Variants in RNF144A observed in about 807,000 individuals in gnomAD.
RNF144A encodes the protein ring finger protein 144A, also known as E3 ubiquitin-protein ligase RNF144A.
Under a neutral mutation model 38.7 loss-of-function variants are expected in RNF144A, and 11 were observed. The ratio of observed to expected loss-of-function variants is 0.28; its 90% CI spans 0.18 to 0.47. The LOEUF (loss-of-function observed/expected upper bound fraction) is 0.47, where lower values mean the gene tolerates loss of function less well. RNF144A is among the 20% of genes least tolerant of loss of function. RNF144A has a pLI of 0.99. For synonymous variants in RNF144A, 149 were observed against 143.9 expected (o/e 1.04, Z -0.25); for missense variants, 316 against 377.2 (o/e 0.84, Z 1.34).
chr2:6,953,100 T>C (rs1004443921), intron 2 of RNF144A, among the ~76,000 whole-genome samples: 1 of 152,210 alleles, frequency 6.6e-6, no homozygotes, highest in Non-Finnish European at 1.5e-5. Context: ...TTTTTAGCCC[T>C]CTTTTTAAAA....
intron 5 of RNF144A, among the ~76,000 whole-genome samples, chr2:7,019,208 T>A (rs1671347552): frequency 6.6e-6 from 1 of 152,228 alleles, no homozygotes. Flanking sequence ...TGAATCTGGC[T>A]TCCCCATGTA....
At position 6,958,869 on chromosome 2, in the gene RNF144A, A is replaced by T. The variant is rs1667165158; in HGVS notation, c.-12+17722A>T. ...GGGCCCTGCTGAAAGGAGCTTGGACACTATTCCAAAGCTTCTCTTTTACCC... is the reference window on the plus strand; with the variant it reads ...GGGCCCTGCTGAAAGGAGCTTGGACTCTATTCCAAAGCTTCTCTTTTACCC... On this transcript the variant is annotated intron_variant, in intron 2 of 8. Coordinates refer to ENST00000320892, the MANE Select transcript of RNF144A (RefSeq NM_014746.6). This position sits in a 1 kb window ranked among gnomAD's most constrained non-coding sequence, Gnocchi z 4.5. Among the ~76,000 whole-genome samples the T allele has an allele frequency of 6.6e-6, 1 of 152,100 alleles. No homozygotes were observed. The highest frequency in any genetic ancestry group is 6.6e-5 in the Admixed American group (1 of 15,256).
At chr2:7,039,495 G>T in intron 8 of RNF144A, 134 bp from the exon 9 acceptor site, 1 of 1,462,524 alleles carries the variant, frequency 6.8e-7, no homozygotes, top group South Asian at 1.3e-5. Flanking sequence ...TGGGTAGATG[G>T]ATGGATGGAT....
chr2:6,988,507 C>T (rs551577444), intron 2 of RNF144A, among the ~76,000 whole-genome samples: 1 of 152,152 alleles, frequency 6.6e-6, no homozygotes, highest in African/African-American at 2.4e-5. Context: ...TTATTTGATG[C>T]TCTTCTCTTA....
rs370126165 is a variant in RNF144A, at chr2:6,996,900, G to C, written c.-11-16G>C. The C allele has an allele frequency of 1.6e-5, 25 of 1,608,910 alleles. No individual in the cohort carries two copies. Among genetic ancestry groups the C allele is most frequent in the Non-Finnish European group, 2.0e-5 (24 of 1,176,818 alleles). Reference sequence around the variant, plus strand: ...GGGGTGGGGAGGTCTGACCTTCCGTGCTTCTCTCGTTTCAGACTGTTCTGC... The same window carrying C: ...GGGGTGGGGAGGTCTGACCTTCCGTCCTTCTCTCGTTTCAGACTGTTCTGC... On this transcript the variant is annotated splice_polypyrimidine_tract_variant and intron_variant, in intron 2 of 8. Coordinates refer to ENST00000320892, the MANE Select transcript of RNF144A (RefSeq NM_014746.6).
chr2:6,964,192 T>A (rs1427982400), intron 2 of RNF144A, among the ~76,000 whole-genome samples: 1 of 152,162 alleles, frequency 6.6e-6, no homozygotes, highest in Non-Finnish European at 1.5e-5. Flanking sequence ...TTGAAGACAT[T>A]TATGCAGCCA....
chr2:6,949,201 A>T (rs2103310512), intron 2 of RNF144A, among the ~76,000 whole-genome samples: 1 of 152,366 alleles, frequency 6.6e-6, no homozygotes, highest in South Asian at 2.1e-4. Flanking sequence ...TTGAAGAATC[A>T]GAATGAAGAG....
intron 1 of RNF144A, among the ~76,000 whole-genome samples, chr2:6,922,558 G>C (rs954322817): frequency 2.5e-4 from 38 of 152,062 alleles, no homozygotes; most frequent in East Asian, 1.9e-4. Context: ...GAGGAGTGCA[G>C]AATGCAGCAA....
intron 1 of RNF144A, among the ~76,000 whole-genome samples, chr2:6,925,690 G>A (rs757142215): frequency 2.6e-5 from 4 of 152,154 alleles, no homozygotes; most frequent in African/African-American, 7.2e-5. Flanking sequence ...CTGTCTCTGC[G>A]CTGGGGGTGC....
At chr2:7,044,852 G>A, downstream of RNF144A, among the ~76,000 whole-genome samples, 1 of 152,190 alleles carries the variant, frequency 6.6e-6, no homozygotes, top group East Asian at 1.9e-4. Context: ...TTAAGGGAGT[G>A]GATTTTGTTA....
At chr2:7,056,022 A>G (rs190971166) in intron 6 of RNF144A, among the ~76,000 whole-genome samples, 1 of 152,246 alleles carries the variant, frequency 6.6e-6, no homozygotes, top group East Asian at 1.9e-4. Flanking sequence ...AGACTAGGTA[A>G]AGGCTTTATT....
At chr2:6,955,919 C>G (rs1666970465) in intron 2 of RNF144A, among the ~76,000 whole-genome samples, 1 of 152,146 alleles carries the variant, frequency 6.6e-6, no homozygotes, top group African/African-American at 2.4e-5. Context: ...CTTCCCTGTC[C>G]ACCTCTCCAA....
At chr2:6,996,559 C>A (rs1314480178) in intron 2 of RNF144A, among the ~76,000 whole-genome samples, 1 of 152,138 alleles carries the variant, frequency 6.6e-6, no homozygotes, top group Non-Finnish European at 1.5e-5. Context: ...TCGAGACCAT[C>A]CTGGCTAACA....
downstream of RNF144A, among the ~76,000 whole-genome samples, chr2:7,048,347 A>G (rs578002300): frequency 2.6e-5 from 4 of 152,378 alleles, no homozygotes; most frequent in Admixed American, 6.5e-5. Flanking sequence ...TGTTGTTCAC[A>G]GGAGAAACTA....
At chr2:6,920,507 G>A (rs539142618) in intron 1 of RNF144A, among the ~76,000 whole-genome samples, 6 of 152,314 alleles carry the variant, frequency 3.9e-5, no homozygotes, top group Non-Finnish European at 7.3e-5. Context: ...ACGTTGGGTG[G>A]TCTGGAACCA....
chr2:6,948,378 T>C (rs948876291), intron 2 of RNF144A, among the ~76,000 whole-genome samples: 9 of 152,256 alleles, frequency 5.9e-5, no homozygotes, highest in African/African-American at 2.2e-4. Context: ...AAATACCTCA[T>C]GGTTGCTGCT....
At chr2:7,056,871 T>C (rs1244104203) in intron 6 of RNF144A, among the ~76,000 whole-genome samples, 1 of 152,196 alleles carries the variant, frequency 6.6e-6, no homozygotes, top group Non-Finnish European at 1.5e-5. Flanking sequence ...GAGGACAATA[T>C]TAAATATGTG....
Position 7,039,964 on chromosome 2 carries a change from G to A in RNF144A, c.*204G>A. On this transcript the variant is annotated 3_prime_UTR_variant, in exon 9 of 9. Coordinates refer to ENST00000320892, the MANE Select transcript of RNF144A (RefSeq NM_014746.6). ...CAGGTGTGGTGGGGAGGGGAGGCAG[G>A]TGTGGGTAGCGCACATCCCCACAGA... 7.2e-7 allele frequency: 1 copy of A among 1,394,846 alleles called. No individual in the cohort carries two copies. The highest frequency in any genetic ancestry group is 9.3e-7 in the Non-Finnish European group (1 of 1,074,690). The allele number at this position is 1,394,846 out of a possible 1,614,324, so 86.4% of individuals were successfully genotyped here. A position where few individuals can be genotyped will look rare whatever the true frequency, so the allele number is the denominator to read the frequency against.
intron 2 of RNF144A, among the ~76,000 whole-genome samples, chr2:6,994,324 A>C (rs1669582955): frequency 6.6e-6 from 1 of 152,164 alleles, no homozygotes; most frequent in Non-Finnish European, 1.5e-5. Flanking sequence ...TTTGTGATCC[A>C]ATTTAGGGCC....
Sources: allele counts gnomAD v4.1 joint callset (sites outside exome capture counted in the v4.1 genomes callset), GRCh38; gene constraint gnomAD v4.1.1; non-coding constraint Gnocchi (gnomAD v3.1); transcripts MANE v1.5; gene names NCBI Gene and HGNC (gene_info 2026-07-23, HGNC 2026-07-21).